Variants in AKT2 observed in about 807,000 individuals in gnomAD.
AKT2 encodes AKT serine/threonine kinase 2.
Under a neutral mutation model 58.6 loss-of-function variants are expected in AKT2, and 16 were observed. The observed-to-expected ratio is 0.27, with a 90% confidence interval of 0.18 to 0.41. AKT2 has a LOEUF of 0.41. Among genes scored for constraint, AKT2 ranks in the 10% least tolerant of loss-of-function variants. The probability of loss-of-function intolerance (pLI) is 1.00; values close to 1 mark genes in which losing one functional copy is unlikely to be tolerated. For synonymous variants in AKT2, 253 were observed against 254.0 expected, an observed-to-expected ratio of 1.00 and a Z score of 0.04; for missense variants, 438 against 661.0, an observed-to-expected ratio of 0.66 and a Z score of 3.70.
In AKT2 at chr19:40,233,707, A is replaced by AG. The variant is rs749041280; in HGVS notation, c.*164dup. The AG allele has an allele frequency of 3.2e-5, 23 of 709,316 alleles. No individual in the cohort carries two copies. Among genetic ancestry groups the AG allele is most frequent in the Non-Finnish European group, 5.4e-5 (22 of 410,060 alleles). The allele number at this position is 709,316 out of a possible 1,614,324, so 43.9% of individuals were successfully genotyped here. A position where few individuals can be genotyped will look rare whatever the true frequency, so the allele number is the denominator to read the frequency against. On this transcript the variant is annotated 3_prime_UTR_variant, in exon 14 of 14. Coordinates refer to ENST00000392038, the MANE Select transcript of AKT2 (RefSeq NM_001626.6). The surrounding 1 kb of genome is among the most constrained non-coding windows in gnomAD (Gnocchi z 4.3). ...GCTGGAGGCTGGAGGCAGGGGCTGC[A>AG]GGGGCCGCTGGGGTGCGTCTGGGAG...
At chr19:40,271,571 C>A (rs983111762) in intron 1 of AKT2, among the ~76,000 whole-genome samples, 1 of 152,140 alleles carries the variant, frequency 6.6e-6, no homozygotes, top group Non-Finnish European at 1.5e-5. Context: ...ACCAGCCATT[C>A]ACCACTCTAT....
At position 40,242,378 on chromosome 19, in the gene AKT2, A is replaced by G; in HGVS notation, c.441+156T>C. On this transcript the variant is annotated intron_variant, in intron 5 of 13. Transcript: ENST00000392038. The surrounding 1 kb of genome is among the most constrained non-coding windows in gnomAD (Gnocchi z 4.3). Reference sequence around the variant, plus strand: ...CCCCTACGGGCATGGAGCACACCCTAGGGCACCTGCCACCTGAAATCACCC... The same window carrying G: ...CCCCTACGGGCATGGAGCACACCCTGGGGCACCTGCCACCTGAAATCACCC... 2.5e-6 allele frequency: 3 copies of G among 1,209,980 alleles called. No individual in the cohort carries two copies. 75.0% of individuals were successfully genotyped at this position (1,209,980 alleles called of 1,614,324 possible).
chr19:40,242,197 G>C lies in AKT2; in HGVS notation c.442-128C>G, dbSNP rs1396220607. 1 of 1,365,788 alleles carries C rather than the reference G, an allele frequency of 7.3e-7. No homozygotes were observed. The highest frequency in any genetic ancestry group is 1.4e-5 in the African/African-American group (1 of 69,684). 84.6% of individuals were successfully genotyped at this position (1,365,788 alleles called of 1,614,324 possible). A position where few individuals can be genotyped will look rare whatever the true frequency, so the allele number is the denominator to read the frequency against. ...AACGGCTTAGGCTGGAGCAGGAAGG[G>C]AGGCTCTGGGCAGCAACTGTGTGTT... On this transcript the variant is annotated intron_variant, in intron 5 of 13. Coordinates refer to ENST00000392038, the MANE Select transcript of AKT2 (RefSeq NM_001626.6). The surrounding 1 kb of genome is among the most constrained non-coding windows in gnomAD (Gnocchi z 4.3).
At position 40,237,465 on chromosome 19, in the gene AKT2, T is replaced by A. The variant is rs900255262; in HGVS notation, c.831+504A>T. 6.2e-6 allele frequency: 1 copy of A among 161,738 alleles called. No individual in the cohort carries two copies. The highest frequency in any genetic ancestry group is 1.4e-5 in the Non-Finnish European group (1 of 73,260). 10.0% of individuals were successfully genotyped at this position (161,738 alleles called of 1,614,324 possible). Reference sequence around the variant, plus strand: ...TTTGAGACCAGCCTGGCCAATATGATGAAACCCCGTCTCTACTAAAAATAC... The same window carrying A: ...TTTGAGACCAGCCTGGCCAATATGAAGAAACCCCGTCTCTACTAAAAATAC... On this transcript the variant is annotated intron_variant, in intron 9 of 13. Transcript: ENST00000392038. The surrounding 1 kb of genome is among the most constrained non-coding windows in gnomAD (Gnocchi z 4.5).
intron 2 of AKT2, among the ~76,000 whole-genome samples, chr19:40,263,842 A>G (rs1488454624): frequency 2.0e-5 from 3 of 152,052 alleles, no homozygotes; most frequent in Non-Finnish European, 4.4e-5. Context: ...CTCAGGACTC[A>G]TTGGCTGTCG....
At chr19:40,262,158 G>A (rs1258856319) in intron 2 of AKT2, among the ~76,000 whole-genome samples, 1 of 151,394 alleles carries the variant, frequency 6.6e-6, no homozygotes. Context: ...TGTAATCCCA[G>A]CACTTTGGGA....
chr19:40,260,572 G>C (rs1975864680), intron 2 of AKT2, among the ~76,000 whole-genome samples: 1 of 132,528 alleles, frequency 7.5e-6, no homozygotes, highest in East Asian at 2.5e-4. Context: ...GGAGGCTGCA[G>C]TGAGCCGAGA....
intron 1 of AKT2, among the ~76,000 whole-genome samples, chr19:40,277,637 G>A (rs768753933): frequency 2.6e-5 from 4 of 152,016 alleles, no homozygotes; most frequent in Admixed American, 6.6e-5. Flanking sequence ...TCCAGATATC[G>A]CCTTCCTTGC....
chr19:40,252,532 T>C (rs1023989031), intron 4 of AKT2, among the ~76,000 whole-genome samples: 7 of 152,106 alleles, frequency 4.6e-5, no homozygotes, highest in African/African-American at 1.7e-4. Flanking sequence ...TATTTATCAT[T>C]CCCCTGCATC....
At chr19:40,261,926 A>G (rs962450948) in intron 2 of AKT2, among the ~76,000 whole-genome samples, 2 of 151,498 alleles carry the variant, frequency 1.3e-5, no homozygotes, top group African/African-American at 4.9e-5. Context: ...TTTAAAGGAT[A>G]AAAACTAAAA....
intron 4 of AKT2, among the ~76,000 whole-genome samples, chr19:40,246,334 C>T (rs950707694): frequency 2.6e-5 from 4 of 152,108 alleles, no homozygotes; most frequent in African/African-American, 9.7e-5. Flanking sequence ...CCATGTTGGC[C>T]AGGATGGTCT....
Position 40,241,818 on chromosome 19 carries a change from A to G in AKT2, c.573+120T>C, listed in dbSNP as rs1219495859. The stretch of plus-strand genomic sequence containing the variant: ...GCTCCCCCTTTTCTGACTAGGGGGA[A>G]TTTGTGGGGGAAATAAGCCCACAGC... On this transcript the variant is annotated intron_variant, in intron 6 of 13. Coordinates refer to ENST00000392038, the MANE Select transcript of AKT2 (RefSeq NM_001626.6). The G allele has an allele frequency of 4.1e-6, 6 of 1,455,654 alleles. No individual in the cohort carries two copies. The South Asian group carries it at 4.8e-5, about 12-fold the overall frequency. 90.2% of individuals were successfully genotyped at this position (1,455,654 alleles called of 1,614,324 possible).
chr19:40,259,282 C>T (rs1207804286), intron 2 of AKT2, among the ~76,000 whole-genome samples: 1 of 149,054 alleles, frequency 6.7e-6, no homozygotes, highest in Non-Finnish European at 1.5e-5. Flanking sequence ...GAACAGTGAC[C>T]CATAGGCAAT....
rs3730257 is a variant in AKT2, at chr19:40,242,089, T to C, written c.442-20A>G. The C allele has an allele frequency of 2.6e-3, 4,116 of 1,613,722 alleles. 96 individuals are homozygous for C. In the African/African-American group the frequency reaches 0.044, roughly 17 times the overall value. ...CATGGTCTGCCAGGGACAGGGAGAG[T>C]GGGGGCAGTCAGCGCCTGGCTCATG... is the stretch of plus-strand genomic sequence containing the variant. On this transcript the variant is annotated intron_variant, in intron 5 of 13. Coordinates refer to ENST00000392038, the MANE Select transcript of AKT2 (RefSeq NM_001626.6). The surrounding 1 kb of genome is among the most constrained non-coding windows in gnomAD (Gnocchi z 4.3).
In AKT2 at chr19:40,252,013, T is replaced by TG. The variant is rs1026485918; in HGVS notation, c.287+3144dup. 2.0e-4 allele frequency among the ~76,000 whole-genome samples: 30 copies of TG among 152,236 alleles called. 1 individual carries two copies. Among genetic ancestry groups the TG allele is most frequent in the Admixed American group, 1.8e-3 (27 of 15,300 alleles). ...CATGTGAAACACGTCTGCAGTGAAG[T>TG]GGGGGACAGGGAGGAGGGTCTCTCC... On this transcript the variant is annotated intron_variant, in intron 4 of 13. Coordinates refer to ENST00000392038, the MANE Select transcript of AKT2 (RefSeq NM_001626.6).
intron 4 of AKT2, among the ~76,000 whole-genome samples, chr19:40,252,966 T>C (rs1975272781): frequency 6.6e-6 from 1 of 152,160 alleles, no homozygotes; most frequent in Non-Finnish European, 1.5e-5. Flanking sequence ...GGCAAGTATA[T>C]TTTTTACCTT....
At chr19:40,278,620 T>C (rs948239788) in intron 1 of AKT2, among the ~76,000 whole-genome samples, 10 of 151,800 alleles carry the variant, frequency 6.6e-5, no homozygotes, top group Non-Finnish European at 1.2e-4. Context: ...CCTACCACTC[T>C]CTCCCAAGGA....
chr19:40,247,572 G>A (rs1293374571), intron 4 of AKT2, among the ~76,000 whole-genome samples: 2 of 152,172 alleles, frequency 1.3e-5, no homozygotes, highest in African/African-American at 4.8e-5. Context: ...GAAGGCTCAT[G>A]GGACACCCAG....
intron 1 of AKT2, chr19:40,282,159 G>C (rs939901741): frequency 2.9e-5 from 6 of 208,818 alleles, no homozygotes; most frequent in Admixed American, 2.7e-4. Flanking sequence ...AGTAGGGGGT[G>C]GGGGAGGCTG....
Sources: allele counts gnomAD v4.1 joint callset (sites outside exome capture counted in the v4.1 genomes callset), GRCh38; gene constraint gnomAD v4.1.1; non-coding constraint Gnocchi (gnomAD v3.1); transcripts MANE v1.5; gene names NCBI Gene and HGNC (gene_info 2026-07-23, HGNC 2026-07-21).